COBL: variants seen among roughly 807,000 people sequenced by gnomAD.
COBL encodes cordon-bleu WH2 repeat protein.
A neutral mutation model predicts 98.8 loss-of-function variants in COBL; 51 were observed. The observed-to-expected ratio is 0.52, with a 90% CI of 0.41 to 0.65. COBL has a LOEUF of 0.65. COBL is among the 30% of genes least tolerant of loss of function. The pLI is 0.00. For synonymous variants in COBL, 634 were observed against 651.7 expected (o/e 0.97, Z 0.41); for missense variants, 1,617 against 1,617.5 (o/e 1.00, Z 0.01).
chr7:51,247,535 T>C (rs1450873379), intron 1 of COBL, among the ~76,000 whole-genome samples: 1 of 152,318 alleles, frequency 6.6e-6, no homozygotes, highest in African/African-American at 2.4e-5. Context: ...GAAGAAAGTA[T>C]ACAAAGGTGG....
At chr7:51,070,086 C>T (rs1034278681) in intron 7 of COBL, among the ~76,000 whole-genome samples, 1 of 151,990 alleles carries the variant, frequency 6.6e-6, no homozygotes, top group South Asian at 2.1e-4. Flanking sequence ...TAACATAAAG[C>T]CTTTAAGGGT....
At chr7:51,128,746 T>C (rs1443032882) in intron 6 of COBL, among the ~76,000 whole-genome samples, 4 of 152,230 alleles carry the variant, frequency 2.6e-5, no homozygotes, top group Non-Finnish European at 5.9e-5. Context: ...AAGACAGTGC[T>C]GTGCCATGCA....
At position 51,190,872 on chromosome 7, in the gene COBL, G is replaced by T. The variant is rs765804303; in HGVS notation, c.663C>A (p.Leu221=). 1 of 1,614,040 alleles carries T rather than the reference G, an allele frequency of 6.2e-7. No individual in the cohort carries two copies. ...KSLNELGIKE[L]YAWDNRRETF... ...CACCTCTTCTGTTGTCCCACGCGTA[G>T]AGCTCCTTTATCCCGAGCTCGTTCA... The change falls in exon 4 of 13, where the codon CTC becomes CTA. Residue 221 remains leucine (L), a synonymous_variant. Coordinates refer to ENST00000265136, the MANE Select transcript of COBL (RefSeq NM_015198.5).
chr7:51,210,011 G>A (rs1180766760), intron 2 of COBL, among the ~76,000 whole-genome samples: 1 of 152,122 alleles, frequency 6.6e-6, no homozygotes, highest in Non-Finnish European at 1.5e-5. Context: ...ACCTGGCCAC[G>A]GCAGAAGCCA....
intron 2 of COBL, among the ~76,000 whole-genome samples, chr7:51,212,813 C>A (rs1236804967): frequency 2.6e-5 from 4 of 152,196 alleles, no homozygotes; most frequent in Non-Finnish European, 4.4e-5. Context: ...TCCTCCCCAG[C>A]ATTTCTACTC....
At chr7:51,068,332 T>C (rs1413038232) in intron 7 of COBL, among the ~76,000 whole-genome samples, 2 of 152,360 alleles carry the variant, frequency 1.3e-5, no homozygotes, top group East Asian at 1.9e-4. Flanking sequence ...GCGACCAGCT[T>C]TCTTTCTCCT....
chr7:51,272,628 G>A (rs1798866720), intron 1 of COBL, among the ~76,000 whole-genome samples: 3 of 152,126 alleles, frequency 2.0e-5, no homozygotes, highest in Admixed American at 1.3e-4. Flanking sequence ...TTCCAATCTA[G>A]ATCTGAAAAT....
chr7:51,235,177 C>T (rs1286150020), intron 1 of COBL, among the ~76,000 whole-genome samples: 2 of 152,196 alleles, frequency 1.3e-5, no homozygotes, highest in African/African-American at 4.8e-5. Flanking sequence ...CTGTTGACAG[C>T]CCACGAAGAA....
intron 1 of COBL, among the ~76,000 whole-genome samples, chr7:51,290,051 C>T (rs1479079992): frequency 6.6e-6 from 1 of 152,164 alleles, no homozygotes; most frequent in Non-Finnish European, 1.5e-5. Flanking sequence ...ACAGAAATAC[C>T]CCTAAGATGC....
At chr7:51,110,567 G>A (rs1796732500) in intron 6 of COBL, among the ~76,000 whole-genome samples, 1 of 152,056 alleles carries the variant, frequency 6.6e-6, no homozygotes, top group Admixed American at 6.5e-5. Flanking sequence ...ATAAGTTATC[G>A]GGGTACAGGT....
chr7:51,259,693 C>T (rs1290501605), intron 1 of COBL: 14 of 738,650 alleles, frequency 1.9e-5, no homozygotes, highest in South Asian at 1.6e-4. Context: ...TATTCTTGAC[C>T]TTGGCTCATC....
At chr7:51,306,985 G>A (rs1802534796) in intron 1 of COBL, among the ~76,000 whole-genome samples, 1 of 152,174 alleles carries the variant, frequency 6.6e-6, no homozygotes, top group African/African-American at 2.4e-5. Context: ...CTAGCAGAGT[G>A]GCCAACGATG....
At chr7:51,052,533 G>A (rs1790344524) in intron 7 of COBL, among the ~76,000 whole-genome samples, 1 of 152,162 alleles carries the variant, frequency 6.6e-6, no homozygotes, top group Non-Finnish European at 1.5e-5. Context: ...TGGGGCAGTG[G>A]ATGGCCATCC....
At chr7:51,083,757 T>C (rs1793913280) in intron 7 of COBL, among the ~76,000 whole-genome samples, 1 of 152,144 alleles carries the variant, frequency 6.6e-6, no homozygotes, top group Non-Finnish European at 1.5e-5. Flanking sequence ...TTCTCCAAGT[T>C]TGTTTTGAAG....
chr7:51,025,325 T>A lies in COBL; in HGVS notation c.3552A>T (p.Ala1184=), dbSNP rs1787439986. The A allele has an allele frequency of 6.2e-7, 1 of 1,613,088 alleles. No individual in the cohort carries two copies. Among genetic ancestry groups the A allele is most frequent in the Non-Finnish European group, 8.5e-7 (1 of 1,179,948 alleles). The change falls in exon 12 of 13, where the codon GCA becomes GCT. Residue 1184 remains alanine, a synonymous_variant. Coordinates refer to ENST00000265136, the MANE Select transcript of COBL (RefSeq NM_015198.5). The stretch of plus-strand genomic sequence containing the variant: ...GACTTTCCGAGCCCTGAGCAGAGAG[T>A]GCGGCATCTCGGAAGCTCTGGAGCT... The part of the protein sequence containing the change: ...SEELQSFRDA[A]LSAQGSESPL...
chr7:51,031,187 T>C (rs1486636156), intron 8 of COBL: 2 of 366,230 alleles, frequency 5.5e-6, no homozygotes, highest in Non-Finnish European at 9.7e-6. Context: ...ATATGGTGTG[T>C]GTGTGGGGCC....
chr7:51,105,449 G>A (rs1284962049), intron 6 of COBL, among the ~76,000 whole-genome samples: 7 of 152,144 alleles, frequency 4.6e-5, no homozygotes, highest in Admixed American at 2.0e-4. Context: ...CAGGGTTGGT[G>A]TAAGAATTAA....
chr7:51,090,608 C>T (rs574504397), intron 6 of COBL, among the ~76,000 whole-genome samples: 1 of 152,324 alleles, frequency 6.6e-6, no homozygotes, highest in South Asian at 2.1e-4. Flanking sequence ...AAAAGGAGCT[C>T]AGAGGCTGGT....
intron 1 of COBL, among the ~76,000 whole-genome samples, chr7:51,246,584 A>G (rs1487584151): frequency 1.3e-5 from 2 of 152,216 alleles, no homozygotes; most frequent in Non-Finnish European, 2.9e-5. Flanking sequence ...CACACCGTAC[A>G]GTGTAGCACA....
Sources: allele counts gnomAD v4.1 joint callset (sites outside exome capture counted in the v4.1 genomes callset), GRCh38; gene constraint gnomAD v4.1.1; transcripts MANE v1.5; gene names NCBI Gene and HGNC (gene_info 2026-07-23, HGNC 2026-07-21).